CISD1: variants seen among roughly 807,000 people sequenced by gnomAD.
CISD1 encodes the protein CDGSH iron-sulfur domain-containing protein 1.
Under a neutral mutation model 12.0 loss-of-function variants are expected in CISD1, and 8 were observed. That is an observed-to-expected ratio of 0.67 (90% CI 0.39 to 1.20). CISD1 has a LOEUF of 1.20. CISD1 is among the 50% of genes most tolerant of loss of function. The pLI, the probability that CISD1 is intolerant of heterozygous loss-of-function variation, is 0.01. For missense variants in CISD1, 107 were observed against 132.7 expected (o/e 0.81, Z 0.95); for synonymous variants, 38 against 42.2 (o/e 0.90, Z 0.39).
At chr10:58,273,349 A>G (rs1428181559) in intron 1 of CISD1, 1 of 152,092 alleles carries the variant, frequency 6.6e-6, no homozygotes, top group East Asian at 1.9e-4. Context: ...CTGCCAGCCT[A>G]TGGGAGATCT....
rs76482017 is a variant in CISD1 at position 58,282,495 on chromosome 10, G to A, written c.238-5066G>A. On this transcript the variant is annotated intron_variant, in intron 2 of 2. Coordinates refer to ENST00000333926, the MANE Select transcript of CISD1 (RefSeq NM_018464.5). ...ATGTAAATAGTTGTTATACTGTATT[G>A]TTTAGAGAATAATGACAAGGAAAAA... 4.8e-4 allele frequency among the ~76,000 whole-genome samples: 73 copies of A among 152,258 alleles called. No homozygotes were observed. The East Asian group carries it at 0.013, about 26-fold the overall frequency.
chr10:58,269,355 G>T (rs772545630), intron 1 of CISD1, 51 bp downstream of exon 1: 4 of 1,555,514 alleles, frequency 2.6e-6, no homozygotes, highest in South Asian at 2.2e-5. Context: ...AGCGGTTGCC[G>T]CGCCCGCAGT....
intron 1 of CISD1, among the ~76,000 whole-genome samples, chr10:58,271,767 A>AT (rs398114407): frequency 6.6e-6 from 1 of 151,980 alleles, no homozygotes; most frequent in African/African-American, 2.4e-5. Flanking sequence ...ATAAAAAAAA[A>AT]TTTAACGGGA....
chr10:58,283,626 TA>T (rs1304953655), intron 2 of CISD1, among the ~76,000 whole-genome samples: 7 of 152,186 alleles, frequency 4.6e-5, no homozygotes, highest in Non-Finnish European at 8.8e-5. Flanking sequence ...AACAGAGGCA[TA>T]ACTTGAGATG....
intron 1 of CISD1, chr10:58,273,253 T>C (rs137896582): frequency 7.9e-5 from 12 of 152,124 alleles, no homozygotes; most frequent in African/African-American, 2.7e-4. Flanking sequence ...AAATTAGTCA[T>C]CCATTATTTC....
At chr10:58,278,101 A>C (rs940849924) in intron 2 of CISD1, among the ~76,000 whole-genome samples, 1 of 152,238 alleles carries the variant, frequency 6.6e-6, no homozygotes, top group Non-Finnish European at 1.5e-5. Context: ...GGTTTTAGAC[A>C]TGATGGCAGC....
At chr10:58,274,790 T>C (rs1839293764) in intron 1 of CISD1, among the ~76,000 whole-genome samples, 1 of 151,624 alleles carries the variant, frequency 6.6e-6, no homozygotes, top group Non-Finnish European at 1.5e-5. Flanking sequence ...TCTCCCACCA[T>C]CACAAAATCC....
At chr10:58,273,085 G>A (rs1839267635) in intron 1 of CISD1, among the ~76,000 whole-genome samples, 2 of 152,158 alleles carry the variant, frequency 1.3e-5, no homozygotes, top group East Asian at 1.9e-4. Flanking sequence ...TATACCTGAA[G>A]TTTTTTGTTT....
At chr10:58,270,237 T>G (rs1353420584) in intron 1 of CISD1, among the ~76,000 whole-genome samples, 1 of 152,210 alleles carries the variant, frequency 6.6e-6, no homozygotes, top group African/African-American at 2.4e-5. Flanking sequence ...CCCTAATTTT[T>G]TAATAGGTAG....
chr10:58,278,146 C>T (rs1274854166), intron 2 of CISD1, among the ~76,000 whole-genome samples: 2 of 152,160 alleles, frequency 1.3e-5, no homozygotes, highest in Admixed American at 1.3e-4. Context: ...CTGTCTCGAG[C>T]ATCTCAAAAG....
At chr10:58,287,508 CA>C (rs35649714) in intron 2 of CISD1, 52 bp from the exon 3 acceptor site, 184,103 of 1,328,992 alleles carry the variant, frequency 0.14, 13,546 homozygotes, top group Middle Eastern at 0.16. Context: ...CTCTGCCGAG[CA>C]TAATACTGAT....
chr10:58,286,370 G>A (rs913115119), intron 2 of CISD1, among the ~76,000 whole-genome samples: 9 of 152,050 alleles, frequency 5.9e-5, no homozygotes, highest in African/African-American at 9.7e-5. Flanking sequence ...ATAAAGTTAC[G>A]AATAAAGGTA....
At chr10:58,270,787 C>G (rs1839237777) in intron 1 of CISD1, among the ~76,000 whole-genome samples, 1 of 152,206 alleles carries the variant, frequency 6.6e-6, no homozygotes. Context: ...CTTTCCCAAT[C>G]ATTTTCCATT....
In CISD1 at chr10:58,281,478, A is replaced by G. The variant is rs191180184; in HGVS notation, c.237+4156A>G. 2.0e-4 allele frequency among the ~76,000 whole-genome samples: 31 copies of G among 152,280 alleles called. No individual in the cohort carries two copies. The East Asian group carries it at 5.8e-3, about 28-fold the overall frequency. On this transcript the variant is annotated intron_variant, in intron 2 of 2. Transcript: ENST00000333926. ...TGGGCACTTATTCCTGCATTAATCA[A>G]TTAACAGTTTGCTTTGAATATTACC... is the stretch of plus-strand genomic sequence containing the variant.
At chr10:58,285,821 A>G (rs1416658453) in intron 2 of CISD1, among the ~76,000 whole-genome samples, 2 of 152,208 alleles carry the variant, frequency 1.3e-5, no homozygotes, top group Non-Finnish European at 2.9e-5. Flanking sequence ...CAGAATATAC[A>G]TGAGATCTGA....
At chr10:58,270,545 G>A (rs992501512) in intron 1 of CISD1, among the ~76,000 whole-genome samples, 1 of 152,186 alleles carries the variant, frequency 6.6e-6, no homozygotes, top group Non-Finnish European at 1.5e-5. Context: ...GACTGCACAT[G>A]TTTGAGGTGG....
chr10:58,270,369 G>C (rs969629196), intron 1 of CISD1, among the ~76,000 whole-genome samples: 1 of 152,160 alleles, frequency 6.6e-6, no homozygotes, highest in Non-Finnish European at 1.5e-5. Flanking sequence ...TTATATTAAA[G>C]GATACTCATC....
At chr10:58,275,981 G>GT (rs1364549666) in intron 1 of CISD1, 2 of 152,100 alleles carry the variant, frequency 1.3e-5, no homozygotes, top group Admixed American at 1.3e-4. Flanking sequence ...CTTGGGATGT[G>GT]TTTTTTTGTA....
intron 1 of CISD1, chr10:58,276,153 A>G (rs541036905): frequency 1.8e-4 from 27 of 152,302 alleles, no homozygotes; most frequent in African/African-American, 6.5e-4. Context: ...CTCTCCTCTG[A>G]GGCTGAGGCT....
Sources: gnomAD v4.1 joint callset for allele counts (sites outside exome capture counted in the v4.1 genomes callset) on GRCh38, gnomAD v4.1.1 for gene constraint, MANE v1.5 for transcripts, NCBI Gene and HGNC (gene_info 2026-07-23, HGNC 2026-07-21) for gene names.